KLHL13: variants seen among roughly 807,000 people sequenced by gnomAD.
The protein encoded by KLHL13 is kelch like family member 13.
KLHL13 carries 10 observed loss-of-function variants against 37.1 expected under a neutral mutation model. The ratio of observed to expected loss-of-function variants is 0.27; its 90% CI spans 0.17 to 0.46. KLHL13 has a LOEUF of 0.46. Among genes scored for constraint, KLHL13 ranks in the 20% least tolerant of loss-of-function variants. The probability of loss-of-function intolerance (pLI) is 1.00; values close to 1 mark genes in which losing one functional copy is unlikely to be tolerated. For missense variants in KLHL13, 360 were observed against 509.3 expected (o/e 0.71, Z 2.82); for synonymous variants, 163 against 181.2 (o/e 0.90, Z 0.81).
chrX:117,983,452 G>C, intron 1 of KLHL13: 4 of 977,791 alleles, frequency 4.1e-6, no homozygotes, highest in Admixed American at 3.6e-5. Flanking sequence ...AAAAAAAGGT[G>C]AGGAAAAATG....
intron 1 of KLHL13, among the ~76,000 whole-genome samples, chrX:118,050,820 A>C (rs1420382390): frequency 8.9e-6 from 1 of 111,846 alleles, no homozygotes; most frequent in Admixed American, 9.5e-5. Flanking sequence ...AGACAGCATA[A>C]AATTATTATT....
chrX:117,904,664 A>T (rs1481773788), intron 5 of KLHL13, among the ~76,000 whole-genome samples: 1 of 112,238 alleles, frequency 8.9e-6, no homozygotes, highest in Admixed American at 9.5e-5. Flanking sequence ...TAAAATTCAA[A>T]TTTCATGTTC....
chrX:117,941,782 C>T (rs1445153077), intron 2 of KLHL13, among the ~76,000 whole-genome samples: 2 of 111,387 alleles, frequency 1.8e-5, no homozygotes. Context: ...TTCAAAAAAC[C>T]AGCTCCTGGA....
intron 5 of KLHL13, among the ~76,000 whole-genome samples, chrX:117,903,393 T>A (rs1930271229): frequency 8.9e-6 from 1 of 111,871 alleles, no homozygotes; most frequent in African/African-American, 3.2e-5. Context: ...CATTTTTACC[T>A]ACTGCTTTGT....
intron 1 of KLHL13, among the ~76,000 whole-genome samples, chrX:118,038,613 C>G (rs2054475661): frequency 9.0e-6 from 1 of 111,452 alleles, no homozygotes; most frequent in South Asian, 3.8e-4. Context: ...TAGACCAGGC[C>G]TAGGAAGAGA....
chrX:117,949,217 C>G (rs1429651860), intron 1 of KLHL13, among the ~76,000 whole-genome samples: 1 of 112,183 alleles, frequency 8.9e-6, no homozygotes, highest in African/African-American at 3.2e-5. Flanking sequence ...CTCAAAATTG[C>G]TAGTGCAAAC....
At chrX:117,947,895 A>G (rs1297497536) in intron 1 of KLHL13, 1 of 112,107 alleles carries the variant, frequency 8.9e-6, no homozygotes. Context: ...CCAAGCCACA[A>G]TTATATCAAT....
chrX:118,095,214 A>G (rs1240306400), intron 1 of KLHL13, among the ~76,000 whole-genome samples: 1 of 110,741 alleles, frequency 9.0e-6, no homozygotes, highest in African/African-American at 3.3e-5. Flanking sequence ...AGCAAATGGA[A>G]AACAAAAAAA....
At chrX:118,021,084 A>G (rs2054203000) in intron 1 of KLHL13, among the ~76,000 whole-genome samples, 1 of 104,337 alleles carries the variant, frequency 9.6e-6, no homozygotes, top group Non-Finnish European at 2.0e-5. Context: ...CGGCACATGT[A>G]TACATATGTA....
At chrX:118,100,004 T>C (rs1321540604) in intron 1 of KLHL13, among the ~76,000 whole-genome samples, 1 of 111,662 alleles carries the variant, frequency 9.0e-6, no homozygotes, top group East Asian at 2.8e-4. Flanking sequence ...AACAAATCTT[T>C]CTCTGTGTAC....
chrX:118,073,905 A>T (rs1044497359), intron 1 of KLHL13, among the ~76,000 whole-genome samples: 2 of 111,608 alleles, frequency 1.8e-5, no homozygotes, highest in African/African-American at 6.5e-5. Flanking sequence ...CAATGCTGGG[A>T]CAGACCTTAA....
intron 1 of KLHL13, among the ~76,000 whole-genome samples, chrX:118,061,561 A>G (rs2054742092): frequency 8.9e-6 from 1 of 111,975 alleles, no homozygotes; most frequent in South Asian, 3.7e-4. Context: ...GCTTGAATCA[A>G]ATAAAGATGT....
chrX:117,948,322 T>C (rs1384448723), intron 1 of KLHL13, among the ~76,000 whole-genome samples: 1 of 112,152 alleles, frequency 8.9e-6, no homozygotes, highest in Non-Finnish European at 1.9e-5. Flanking sequence ...CACAGCAGGA[T>C]TATTAATTAT....
intron 2 of KLHL13, among the ~76,000 whole-genome samples, chrX:117,928,197 G>A (rs1041804481): frequency 1.8e-5 from 2 of 111,364 alleles, no homozygotes; most frequent in Non-Finnish European, 3.8e-5. Context: ...AATACATGAA[G>A]CAAACTGAGA....
intron 1 of KLHL13, among the ~76,000 whole-genome samples, chrX:118,015,371 A>G (rs902233341): frequency 1.8e-5 from 2 of 111,853 alleles, no homozygotes; most frequent in Non-Finnish European, 3.8e-5. Flanking sequence ...ATAAATATGT[A>G]TTACTTGTAG....
chrX:117,934,553 A>C (rs909722989), intron 2 of KLHL13, among the ~76,000 whole-genome samples: 3 of 111,104 alleles, frequency 2.7e-5, no homozygotes, highest in African/African-American at 9.8e-5. Context: ...GAGAATGGCA[A>C]AGCAATTAGC....
chrX:117,952,251 A>T (rs1162605936), intron 1 of KLHL13, among the ~76,000 whole-genome samples: 6 of 111,430 alleles, frequency 5.4e-5, no homozygotes, highest in African/African-American at 2.0e-4. Flanking sequence ...ATAATGCCGC[A>T]TATCTACAAC....
At chrX:118,070,349 G>C (rs1287715599) in intron 1 of KLHL13, among the ~76,000 whole-genome samples, 1 of 112,247 alleles carries the variant, frequency 8.9e-6, no homozygotes, top group Non-Finnish European at 1.9e-5. Context: ...TTTCTATTAG[G>C]ATTTCTTTCA....
chrX:118,066,855 T>C (rs1384256966), intron 1 of KLHL13, among the ~76,000 whole-genome samples: 1 of 111,813 alleles, frequency 8.9e-6, no homozygotes, highest in Non-Finnish European at 1.9e-5. Flanking sequence ...ATATATGGAA[T>C]AACAAATAAA....
Sources: gnomAD v4.1 joint callset for allele counts (sites outside exome capture counted in the v4.1 genomes callset) on GRCh38, gnomAD v4.1.1 for gene constraint, MANE v1.5 for transcripts, NCBI Gene and HGNC (gene_info 2026-07-23, HGNC 2026-07-21) for gene names.